Variants in ZFPM2 observed in about 807,000 individuals in gnomAD.
The protein encoded by ZFPM2 is zinc finger protein, FOG family member 2, also known as zinc finger protein ZFPM2.
In ZFPM2, 20 loss-of-function variants were observed where a neutral mutation model predicts 98.6. That is an observed-to-expected ratio of 0.20 (90% confidence interval 0.14 to 0.29). The LOEUF is 0.29. Ranked by LOEUF, ZFPM2 falls within the 10% of genes least tolerant of loss-of-function variation. The probability of loss-of-function intolerance (pLI) is 1.00; values close to 1 mark genes in which losing one functional copy is unlikely to be tolerated. For synonymous variants in ZFPM2, 518 were observed against 502.7 expected, an observed-to-expected ratio of 1.03 and a Z score of -0.41; for missense variants, 1,310 against 1,388.6, an observed-to-expected ratio of 0.94 and a Z score of 0.90.
intron 5 of ZFPM2, among the ~76,000 whole-genome samples, chr8:105,742,674 C>A (rs1812247165): frequency 6.6e-6 from 1 of 151,828 alleles, no homozygotes; most frequent in Admixed American, 6.6e-5. Flanking sequence ...GGCCAGTCAC[C>A]TGAGGTTAGG....
chr8:105,671,264 A>G (rs1338130294), intron 5 of ZFPM2, among the ~76,000 whole-genome samples: 1 of 151,926 alleles, frequency 6.6e-6, no homozygotes, highest in Non-Finnish European at 1.5e-5. Flanking sequence ...AATATTACCA[A>G]TTTTTTTGAA....
rs545971285 is a variant in ZFPM2 at position 105,341,092 on chromosome 8, A to C, written c.40+22111A>C. On this transcript the variant is annotated intron_variant, in intron 1 of 7. Coordinates refer to ENST00000407775, the MANE Select transcript of ZFPM2 (RefSeq NM_012082.4). ...ACCATATTACCTTTTGAATGGTGTA[A>C]AGCCAGGAAAAAAGCAGATGTGTCA... Among the ~76,000 whole-genome samples, 58 of 152,036 alleles carry C rather than the reference A, an allele frequency of 3.8e-4. 2 individuals are homozygous for C. The South Asian group carries it at 0.011, about 29-fold the overall frequency.
intron 5 of ZFPM2, among the ~76,000 whole-genome samples, chr8:105,637,795 C>G (rs369133911): frequency 6.6e-6 from 1 of 152,112 alleles, no homozygotes; most frequent in African/African-American, 2.4e-5. Flanking sequence ...GATAAGACTC[C>G]TCAAAGCAAA....
intron 5 of ZFPM2, among the ~76,000 whole-genome samples, chr8:105,720,192 T>A (rs867424339): frequency 1.8e-4 from 28 of 151,920 alleles, no homozygotes; most frequent in African/African-American, 6.0e-4. Context: ...AATAGTTGTA[T>A]AAATAATGCA....
chr8:105,374,538 G>A (rs1009760163), intron 1 of ZFPM2, among the ~76,000 whole-genome samples: 65 of 151,886 alleles, frequency 4.3e-4, no homozygotes, highest in Non-Finnish European at 5.6e-4. Context: ...GGTGCACACC[G>A]CCACACCCGG....
chr8:105,579,048 TATA>T (rs1260719816), intron 4 of ZFPM2, among the ~76,000 whole-genome samples: 2 of 152,128 alleles, frequency 1.3e-5, no homozygotes, highest in African/African-American at 2.4e-5. Context: ...CTCTGTGGCA[TATA>T]ATGACACGTG....
At chr8:105,395,100 T>C (rs1399713953) in intron 1 of ZFPM2, among the ~76,000 whole-genome samples, 2 of 152,082 alleles carry the variant, frequency 1.3e-5, no homozygotes, top group South Asian at 4.1e-4. Flanking sequence ...CCCCTACATA[T>C]CTCCATGACA....
intron 3 of ZFPM2, among the ~76,000 whole-genome samples, chr8:105,510,601 C>G (rs1813798548): frequency 6.6e-6 from 1 of 152,106 alleles, no homozygotes; most frequent in Non-Finnish European, 1.5e-5. Flanking sequence ...CAGTAAAGGT[C>G]TCTGGGTGAA....
intron 3 of ZFPM2, among the ~76,000 whole-genome samples, chr8:105,498,923 T>TA (rs1813530850): frequency 1.3e-5 from 2 of 152,166 alleles, no homozygotes; most frequent in Non-Finnish European, 2.9e-5. Context: ...ATAATAAGAA[T>TA]AAAACCTGAT....
chr8:105,683,084 A>G (rs1810646122), intron 5 of ZFPM2, among the ~76,000 whole-genome samples: 1 of 151,962 alleles, frequency 6.6e-6, no homozygotes, highest in Non-Finnish European at 1.5e-5. Flanking sequence ...CCCTTTTTAT[A>G]AGGGCACAAT....
rs148147868 is a variant in ZFPM2 at position 105,707,178 on chromosome 8, A to T, written c.532+72821A>T. Among the ~76,000 whole-genome samples the T allele has an allele frequency of 5.7e-3, 857 of 151,284 alleles. 10 individuals are homozygous for T. The highest frequency in any genetic ancestry group is 0.018 in the African/African-American group (759 of 41,204). ...GGATCACTTGAGCCAGGAGATCAAAAGTGCAGTAAGCTATGATCATGCCAC... is the reference window on the plus strand; with the variant it reads ...GGATCACTTGAGCCAGGAGATCAAATGTGCAGTAAGCTATGATCATGCCAC... On this transcript the variant is annotated intron_variant, in intron 5 of 7. Coordinates refer to ENST00000407775, the MANE Select transcript of ZFPM2 (RefSeq NM_012082.4).
chr8:105,330,595 CATATATATATATAT>C (rs10550161), intron 1 of ZFPM2, among the ~76,000 whole-genome samples: 9,798 of 87,990 alleles, frequency 0.11, 580 homozygotes, highest in South Asian at 0.18. Flanking sequence ...TATATATATA[CATATATATATATAT>C]ACACATATAT....
intron 5 of ZFPM2, among the ~76,000 whole-genome samples, chr8:105,707,701 G>A (rs1394483761): frequency 6.6e-6 from 1 of 152,190 alleles, no homozygotes; most frequent in Non-Finnish European, 1.5e-5. Context: ...GTTTAGTCAG[G>A]TGACATTGTT....
chr8:105,400,329 T>G (rs1223255514), intron 1 of ZFPM2, among the ~76,000 whole-genome samples: 1 of 152,130 alleles, frequency 6.6e-6, no homozygotes. Context: ...TAGTTACATA[T>G]GTATACATGT....
chr8:105,325,569 A>G (rs866774568), intron 1 of ZFPM2, among the ~76,000 whole-genome samples: 1 of 151,836 alleles, frequency 6.6e-6, no homozygotes, highest in Non-Finnish European at 1.5e-5. Context: ...CGTCATGGCA[A>G]CTTCATCTCT....
At chr8:105,455,237 T>C (rs1812564103) in intron 3 of ZFPM2, among the ~76,000 whole-genome samples, 1 of 152,214 alleles carries the variant, frequency 6.6e-6, no homozygotes, top group South Asian at 2.1e-4. Flanking sequence ...AACTGGTATT[T>C]AAAGACCTCA....
At chr8:105,390,626 G>C (rs1314356868) in intron 1 of ZFPM2, among the ~76,000 whole-genome samples, 1 of 152,194 alleles carries the variant, frequency 6.6e-6, no homozygotes, top group Non-Finnish European at 1.5e-5. Context: ...TACTTTGAAA[G>C]ACAGAGACAT....
chr8:105,688,827 A>G (rs1239156959), intron 5 of ZFPM2, among the ~76,000 whole-genome samples: 1 of 152,154 alleles, frequency 6.6e-6, no homozygotes, highest in Admixed American at 6.5e-5. Context: ...CTTAGCAAAT[A>G]TTGTCTATTA....
intron 5 of ZFPM2, among the ~76,000 whole-genome samples, chr8:105,664,151 A>T (rs1395941984): frequency 1.3e-5 from 2 of 152,196 alleles, no homozygotes; most frequent in Non-Finnish European, 2.9e-5. Flanking sequence ...AACTGTATCG[A>T]TGACTTTTGT....
Sources: gnomAD v4.1 joint callset for allele counts (sites outside exome capture counted in the v4.1 genomes callset) on GRCh38, gnomAD v4.1.1 for gene constraint, MANE v1.5 for transcripts, NCBI Gene and HGNC (gene_info 2026-07-23, HGNC 2026-07-21) for gene names.